Variants in PCDH17 observed in about 807,000 individuals in gnomAD.
PCDH17 encodes protocadherin-17.
In PCDH17, 21 loss-of-function variants were observed where a neutral mutation model predicts 67.7. That is an observed-to-expected ratio of 0.31 (90% confidence interval 0.22 to 0.45). The LOEUF (loss-of-function observed/expected upper bound fraction) is 0.45. PCDH17 is among the 20% of genes least tolerant of loss of function. The probability of loss-of-function intolerance (pLI) is 1.00; values close to 1 mark genes in which losing one functional copy is unlikely to be tolerated. For synonymous variants in PCDH17, 701 were observed against 656.7 expected (o/e 1.07, Z -1.03); for missense variants, 1,471 against 1,564.8 (o/e 0.94, Z 1.01).
intron 1 of PCDH17, among the ~76,000 whole-genome samples, chr13:57,659,931 T>C (rs2138013978): frequency 6.6e-6 from 1 of 152,214 alleles, no homozygotes; most frequent in African/African-American, 2.4e-5. Context: ...AAAAATTCTT[T>C]GGAAGAAATA....
At chr13:57,702,118 A>C (rs1239729293) in intron 3 of PCDH17, among the ~76,000 whole-genome samples, 7 of 151,968 alleles carry the variant, frequency 4.6e-5, no homozygotes, top group African/African-American at 1.7e-4. Flanking sequence ...GGGTTTCATC[A>C]TGTTGGCCAG....
chr13:57,632,920 T>C lies in PCDH17; in HGVS notation c.374T>C (p.Ile125Thr). 6.2e-7 allele frequency: 1 copy of C among 1,614,020 alleles called. No individual in the cohort carries two copies. Among genetic ancestry groups the C allele is most frequent in the Non-Finnish European group, 8.5e-7 (1 of 1,180,010 alleles). ...ICMIKVEIQD[I>T]NDNAPSFSSD... The stretch of plus-strand genomic sequence containing the variant: ...ATGATCAAGGTAGAGATCCAGGACA[T>C]CAACGACAACGCGCCCTCCTTCTCC... The change falls in exon 1 of 4, where the codon ATC becomes ACC. Residue 125 changes from isoleucine (I) to threonine (T), a missense_variant. Physicochemically the swap from Ile to Thr is moderately conservative, Grantham distance 89 (BLOSUM62 -1). This residue lies in a region of PCDH17 where 1,163 missense variants were observed against 1,230.0 expected (regional missense o/e 0.95). Transcript: ENST00000377918.
At chr13:57,690,945 T>C (rs1465264827) in intron 3 of PCDH17, among the ~76,000 whole-genome samples, 3 of 151,524 alleles carry the variant, frequency 2.0e-5, no homozygotes, top group African/African-American at 7.2e-5. Flanking sequence ...GGTTTTTAAA[T>C]GCAGTATCAA....
At chr13:57,719,587 T>C (rs1955856322) in intron 3 of PCDH17, among the ~76,000 whole-genome samples, 1 of 152,038 alleles carries the variant, frequency 6.6e-6, no homozygotes, top group South Asian at 2.1e-4. Context: ...GAGGAAATCC[T>C]TTTATGCTCT....
At chr13:57,651,511 T>C (rs1955038919) in intron 1 of PCDH17, among the ~76,000 whole-genome samples, 1 of 151,984 alleles carries the variant, frequency 6.6e-6, no homozygotes, top group Admixed American at 6.6e-5. Flanking sequence ...CTAACTTTTA[T>C]ATTTTTTTTA....
chr13:57,678,487 G>A (rs1955416194), intron 3 of PCDH17, among the ~76,000 whole-genome samples: 1 of 151,604 alleles, frequency 6.6e-6, no homozygotes. Context: ...TGTAAAGAAA[G>A]GAATGAAGAA....
At chr13:57,720,427 C>T (rs1955863147) in intron 3 of PCDH17, among the ~76,000 whole-genome samples, 1 of 151,732 alleles carries the variant, frequency 6.6e-6, no homozygotes, top group African/African-American at 2.4e-5. Flanking sequence ...CATATGTGTA[C>T]ATTAATATAT....
intron 3 of PCDH17, among the ~76,000 whole-genome samples, chr13:57,706,309 C>A (rs1043325738): frequency 6.6e-6 from 1 of 152,132 alleles, no homozygotes; most frequent in East Asian, 1.9e-4. Flanking sequence ...TATTTGTGAA[C>A]CATAAAATGG....
At chr13:57,646,411 A>T (rs1954967613) in intron 1 of PCDH17, among the ~76,000 whole-genome samples, 1 of 151,544 alleles carries the variant, frequency 6.6e-6, no homozygotes, top group Admixed American at 6.6e-5. Context: ...CTGGTTTTTC[A>T]TTTTTTTATT....
intron 3 of PCDH17, among the ~76,000 whole-genome samples, chr13:57,709,501 TC>T (rs1955755112): frequency 6.6e-6 from 1 of 151,776 alleles, no homozygotes; most frequent in Non-Finnish European, 1.5e-5. Flanking sequence ...TAAGACTAAG[TC>T]TTATGTAGCT....
At chr13:57,636,585 C>T (rs1954826188) in intron 1 of PCDH17, among the ~76,000 whole-genome samples, 1 of 151,920 alleles carries the variant, frequency 6.6e-6, no homozygotes, top group Non-Finnish European at 1.5e-5. Flanking sequence ...ATAGTGTTTA[C>T]TATACATCAG....
chr13:57,728,564 G>A lies in PCDH17; in HGVS notation c.*3270G>A, dbSNP rs1186708879. 1.4e-5 allele frequency: 2 copies of A among 141,230 alleles called. No homozygotes were observed. 8.7% of individuals were successfully genotyped at this position (141,230 alleles called of 1,614,324 possible). A position where few individuals can be genotyped will look rare whatever the true frequency, so the allele number is the denominator to read the frequency against. The stretch of plus-strand genomic sequence containing the variant: ...AAGCAACAAAATAACCTTTTCATCA[G>A]AGTTAAAAGTAGTGAGAATCTGTTA... On this transcript the variant is annotated 3_prime_UTR_variant, in exon 4 of 4. Transcript: ENST00000377918.
At position 57,655,582 on chromosome 13, in the gene PCDH17, A is replaced by G. The variant is rs373389425; in HGVS notation, c.2566-10886A>G. Among the ~76,000 whole-genome samples, 46 of 152,128 alleles carry G rather than the reference A, an allele frequency of 3.0e-4. No homozygotes were observed. In the South Asian group the frequency reaches 9.5e-3, roughly 32 times the overall value. On this transcript the variant is annotated intron_variant, in intron 1 of 3. Transcript: ENST00000377918. ...TAGGTATTCATAGGTGCCTAGTTTGACAATTTATATGAGTATAATGATGGT... is the reference window on the plus strand; with the variant it reads ...TAGGTATTCATAGGTGCCTAGTTTGGCAATTTATATGAGTATAATGATGGT...
chr13:57,640,631 C>A (rs897151243), intron 1 of PCDH17, among the ~76,000 whole-genome samples: 1 of 151,942 alleles, frequency 6.6e-6, no homozygotes, highest in African/African-American at 2.4e-5. Context: ...TAACACGTGG[C>A]CTTCAGTGGG....
At chr13:57,695,421 G>GAGAA (rs113739071) in intron 3 of PCDH17, among the ~76,000 whole-genome samples, 156 of 146,980 alleles carry the variant, frequency 1.1e-3, no homozygotes, top group Middle Eastern at 3.4e-3. Flanking sequence ...GATAAAATGA[G>GAGAA]AGAAAGAAAG....
chr13:57,651,468 G>A (rs1286580065), intron 1 of PCDH17, among the ~76,000 whole-genome samples: 1 of 148,476 alleles, frequency 6.7e-6, no homozygotes, highest in Non-Finnish European at 1.5e-5. Context: ...CTCCCAAGTA[G>A]CTGTTACTTC....
chr13:57,666,792 A>G lies in PCDH17; in HGVS notation c.2756A>G (p.Lys919Arg), dbSNP rs750174445. 1.9e-6 allele frequency: 3 copies of G among 1,612,648 alleles called. No homozygotes were observed. Among genetic ancestry groups the G allele is most frequent in the Non-Finnish European group, 2.5e-6 (3 of 1,179,340 alleles). ...GACATGTCTGTTAGGGAGGCACTCA[A>G]GATGAAAACTACTTCAACTAAAAGC... ...CCDMSVREAL[K>R]MKTTSTKSQP... The change falls in exon 3 of 4, where the codon AAG becomes AGG. Residue 919 changes from lysine to arginine, a missense_variant. Coordinates refer to ENST00000377918, the MANE Select transcript of PCDH17 (RefSeq NM_001040429.3).
At chr13:57,698,336 A>C (rs1294466141) in intron 3 of PCDH17, among the ~76,000 whole-genome samples, 1 of 151,828 alleles carries the variant, frequency 6.6e-6, no homozygotes, top group East Asian at 1.9e-4. Flanking sequence ...TCATTCCTAG[A>C]ATATATTTAT....
At chr13:57,714,151 C>T (rs947301264) in intron 3 of PCDH17, among the ~76,000 whole-genome samples, 1 of 151,586 alleles carries the variant, frequency 6.6e-6, no homozygotes, top group African/African-American at 2.4e-5. Context: ...AAATAATAAG[C>T]CAGAGAAGAT....
Sources: allele counts gnomAD v4.1 joint callset (sites outside exome capture counted in the v4.1 genomes callset), GRCh38; gene constraint gnomAD v4.1.1; regional missense constraint gnomAD v4.1.1; transcripts MANE v1.5; gene names NCBI Gene and HGNC (gene_info 2026-07-23, HGNC 2026-07-21).